The following MAP2K6 variants were observed in gnomAD, a reference collection of about 807,000 sequenced individuals.
MAP2K6 encodes the protein dual specificity mitogen-activated protein kinase kinase 6.
In MAP2K6, 16 loss-of-function variants were observed where a neutral mutation model predicts 53.7. The ratio of observed to expected loss-of-function variants is 0.30; its 90% CI spans 0.20 to 0.45. The LOEUF (loss-of-function observed/expected upper bound fraction) is 0.45. MAP2K6 is among the 20% of genes least tolerant of loss of function. The pLI, the probability that MAP2K6 is intolerant of heterozygous loss-of-function variation, is 1.00. For missense variants in MAP2K6, 204 were observed against 411.9 expected, an observed-to-expected ratio of 0.50 and a Z score of 4.37; for synonymous variants, 132 against 143.1, an observed-to-expected ratio of 0.92 and a Z score of 0.55.
chr17:69,507,452 T>C (rs1273988102), intron 2 of MAP2K6, among the ~76,000 whole-genome samples: 2 of 152,158 alleles, frequency 1.3e-5, no homozygotes, highest in Non-Finnish European at 2.9e-5. Flanking sequence ...ACAAGACTCT[T>C]TTATGCTCCC....
At chr17:69,466,223 C>T (rs1211118706) in intron 1 of MAP2K6, among the ~76,000 whole-genome samples, 3 of 147,310 alleles carry the variant, frequency 2.0e-5, no homozygotes, top group East Asian at 4.0e-4. Flanking sequence ...AAACAGGAGG[C>T]GGAGGTTGCA....
intron 10 of MAP2K6, among the ~76,000 whole-genome samples, chr17:69,532,733 G>A (rs551942563): frequency 1.3e-5 from 2 of 152,212 alleles, no homozygotes; most frequent in African/African-American, 2.4e-5. Context: ...CTTGCTTTGC[G>A]GTGTAAGTAT....
intron 1 of MAP2K6, among the ~76,000 whole-genome samples, chr17:69,466,256 C>T (rs1328526188): frequency 6.7e-6 from 1 of 149,772 alleles, no homozygotes; most frequent in African/African-American, 2.5e-5. Context: ...CAAGCCACTA[C>T]TCCAGCCTGG....
intron 1 of MAP2K6, among the ~76,000 whole-genome samples, chr17:69,468,131 G>T (rs759318164): frequency 2.6e-5 from 4 of 152,090 alleles, no homozygotes; most frequent in Admixed American, 6.5e-5. Flanking sequence ...ACCCCTTCCC[G>T]CATTCCTAGA....
rs1906344390 is a variant in MAP2K6 at position 69,428,545 on chromosome 17, G to C, written c.16+13545G>C. On this transcript the variant is annotated intron_variant, in intron 1 of 11. Transcript: ENST00000590474. ...TTCAGAGATGCTGAGGGTTAGCTGA[G>C]GGTTAGGACTTCAGTATATTAATTT... is the stretch of plus-strand genomic sequence containing the variant. Among the ~76,000 whole-genome samples, 7 of 152,206 alleles carry C rather than the reference G, an allele frequency of 4.6e-5. No homozygotes were observed. The South Asian group carries it at 1.4e-3, about 31-fold the overall frequency.
At chr17:69,507,845 G>GTGCAA (rs1355762994) in intron 2 of MAP2K6, among the ~76,000 whole-genome samples, 2 of 152,118 alleles carry the variant, frequency 1.3e-5, no homozygotes, top group Non-Finnish European at 2.9e-5. Context: ...AAGCCCAATA[G>GTGCAA]TGCAATTGCT....
intron 1 of MAP2K6, among the ~76,000 whole-genome samples, chr17:69,416,187 C>CT (rs572691075): frequency 8.1e-4 from 124 of 152,244 alleles, no homozygotes; most frequent in Non-Finnish European, 1.6e-3. Context: ...CTTTTTGCTA[C>CT]TTTTTTGGGA....
intron 11 of MAP2K6, among the ~76,000 whole-genome samples, chr17:69,540,497 G>A (rs1396838202): frequency 6.6e-6 from 1 of 152,150 alleles, no homozygotes; most frequent in African/African-American, 2.4e-5. Context: ...AGTAGAGGTG[G>A]CAGGTTCCAC....
intron 2 of MAP2K6, among the ~76,000 whole-genome samples, chr17:69,513,550 G>A (rs1909980946): frequency 6.6e-6 from 1 of 152,116 alleles, no homozygotes; most frequent in South Asian, 2.1e-4. Flanking sequence ...ATAGGGCCAA[G>A]GTCAGCAAAC....
chr17:69,546,623 T>G lies in MAP2K6; in HGVS notation c.*4870T>G, dbSNP rs534234505. On this transcript the variant is annotated 3_prime_UTR_variant, in exon 12 of 12. Transcript: ENST00000590474. Reference sequence around the variant, plus strand: ...CTAATTTCCTACCCAAATGCTGTTTTGGCTGTGTTACTCCCTCTGCCCTCG... The same window carrying G: ...CTAATTTCCTACCCAAATGCTGTTTGGGCTGTGTTACTCCCTCTGCCCTCG... 3 of 152,304 alleles carry G rather than the reference T, an allele frequency of 2.0e-5. No homozygotes were observed. The South Asian group carries it at 6.2e-4, about 32-fold the overall frequency. The allele number at this position is 152,304 out of a possible 1,614,324, so 9.4% of individuals were successfully genotyped here. A position where few individuals can be genotyped will look rare whatever the true frequency, so the allele number is the denominator to read the frequency against.
chr17:69,497,230 G>A (rs1908987688), intron 1 of MAP2K6, among the ~76,000 whole-genome samples: 1 of 152,212 alleles, frequency 6.6e-6, no homozygotes, highest in African/African-American at 2.4e-5. Flanking sequence ...TGGATGAACA[G>A]ATGGGTTCAC....
intron 1 of MAP2K6, chr17:69,502,664 A>G: frequency 1.0e-6 from 1 of 985,504 alleles, no homozygotes; most frequent in Non-Finnish European, 1.2e-6. Context: ...GGCAATTTCA[A>G]CTAGGAGGCA....
chr17:69,420,213 C>T (rs1906033617), intron 1 of MAP2K6, among the ~76,000 whole-genome samples: 1 of 152,112 alleles, frequency 6.6e-6, no homozygotes, highest in Non-Finnish European at 1.5e-5. Flanking sequence ...TACTTTTGGG[C>T]ATTCCTGCAT....
chr17:69,482,055 A>C (rs1203498284), intron 1 of MAP2K6, among the ~76,000 whole-genome samples: 2 of 152,146 alleles, frequency 1.3e-5, no homozygotes, highest in Admixed American at 6.5e-5. Flanking sequence ...AGTTGACTTC[A>C]ATTAGCTGTA....
chr17:69,526,678 T>A lies in MAP2K6; in HGVS notation c.850T>A (p.Ser284Thr), dbSNP rs981405021. 2 of 1,613,842 alleles carry A rather than the reference T, an allele frequency of 1.2e-6. No homozygotes were observed. The highest frequency in any genetic ancestry group is 1.7e-6 in the Non-Finnish European group (2 of 1,180,034). Residue 284 changes from serine to threonine, a missense_variant, in exon 10 of 12, where the codon TCT (serine) becomes ACT (threonine). Coordinates refer to ENST00000590474, the MANE Select transcript of MAP2K6 (RefSeq NM_002758.4). ...GCCACAACTCCCAGCAGACAAGTTC[T>A]CTGCAGAGTTTGTTGACTTTACCTC... ...PSPQLPADKF[S>T]AEFVDFTSQC... is the part of the protein sequence containing the mutation.
chr17:69,526,715 A>G lies in MAP2K6; in HGVS notation c.881+6A>G, dbSNP rs1401695573. 1 of 1,611,218 alleles carries G rather than the reference A, an allele frequency of 6.2e-7. No homozygotes were observed. Among genetic ancestry groups the G allele is most frequent in the Non-Finnish European group, 8.5e-7 (1 of 1,179,676 alleles). Reference sequence around the variant, plus strand: ...GTTGACTTTACCTCACAGTGGTAAGACAGCCTCACCTCCCAAGTGTCAGTG... The same window carrying G: ...GTTGACTTTACCTCACAGTGGTAAGGCAGCCTCACCTCCCAAGTGTCAGTG... On this transcript the variant is annotated splice_donor_region_variant and intron_variant, in intron 10 of 11. Transcript: ENST00000590474.
chr17:69,537,452 G>A (rs1911415388), intron 11 of MAP2K6, among the ~76,000 whole-genome samples: 1 of 152,174 alleles, frequency 6.6e-6, no homozygotes, highest in South Asian at 2.1e-4. Context: ...CCAGCCACAA[G>A]CCCTGCTGTC....
intron 11 of MAP2K6, among the ~76,000 whole-genome samples, 195 bp downstream of exon 11, chr17:69,536,355 C>T (rs1218165083): frequency 6.6e-6 from 1 of 152,218 alleles, no homozygotes; most frequent in East Asian, 1.9e-4. Context: ...TGGGACCTGT[C>T]ACTATTCTTA....
At chr17:69,505,107 T>C (rs1598295600) in intron 1 of MAP2K6, among the ~76,000 whole-genome samples, 1 of 149,370 alleles carries the variant, frequency 6.7e-6, no homozygotes, top group African/African-American at 2.5e-5. Context: ...TAACCAAGTG[T>C]CTGCCATCAC....
Sources: allele counts gnomAD v4.1 joint callset (sites outside exome capture counted in the v4.1 genomes callset), GRCh38; gene constraint gnomAD v4.1.1; transcripts MANE v1.5; gene names NCBI Gene and HGNC (gene_info 2026-07-23, HGNC 2026-07-21).